PTPRO: variants seen among roughly 807,000 people sequenced by gnomAD.
PTPRO encodes the protein protein tyrosine phosphatase receptor type O, also known as receptor-type tyrosine-protein phosphatase O.
PTPRO carries 62 observed loss-of-function variants against 145.2 expected under a neutral mutation model. The ratio of observed to expected loss-of-function variants is 0.43; its 90% CI spans 0.35 to 0.53. The LOEUF is 0.53. PTPRO is among the 20% of genes least tolerant of loss of function. The probability of loss-of-function intolerance (pLI) is 0.01; values close to 1 mark genes in which losing one functional copy is unlikely to be tolerated. For missense variants in PTPRO, 1,345 were observed against 1,482.7 expected (o/e 0.91, Z 1.53); for synonymous variants, 565 against 514.7 (o/e 1.10, Z -1.32).
At chr12:15,549,004 T>C (rs1943378868) in intron 13 of PTPRO, 90 bp from the exon 14 acceptor site, 3 of 1,381,004 alleles carry the variant, frequency 2.2e-6, no homozygotes, top group East Asian at 4.7e-5. Context: ...TTTTACTCTG[T>C]CAATCTATTA....
chr12:15,519,331 A>G (rs1942664976), intron 9 of PTPRO, among the ~76,000 whole-genome samples: 1 of 152,190 alleles, frequency 6.6e-6, no homozygotes, highest in Non-Finnish European at 1.5e-5. Flanking sequence ...GGAATTCAAG[A>G]TGAGATTTGG....
chr12:15,545,772 A>T (rs1261710390), intron 12 of PTPRO, among the ~76,000 whole-genome samples: 1 of 152,114 alleles, frequency 6.6e-6, no homozygotes, highest in Non-Finnish European at 1.5e-5. Context: ...GGTGGCTCAC[A>T]CCTGTAATCC....
At chr12:15,521,868 A>G (rs1415823017) in intron 10 of PTPRO, among the ~76,000 whole-genome samples, 9 of 152,224 alleles carry the variant, frequency 5.9e-5, no homozygotes, top group Non-Finnish European at 1.2e-4. Context: ...AGGATTGGGC[A>G]TAGTTTATAA....
intron 23 of PTPRO, among the ~76,000 whole-genome samples, chr12:15,582,168 G>A (rs750629916): frequency 1.3e-5 from 2 of 152,262 alleles, no homozygotes; most frequent in Non-Finnish European, 2.9e-5. Context: ...GCCTTAAGCG[G>A]TTTTCCGCCC....
intron 9 of PTPRO, 127 bp downstream of exon 9, chr12:15,517,083 CA>C: frequency 2.2e-6 from 2 of 896,654 alleles, no homozygotes; most frequent in East Asian, 5.1e-5. Context: ...TGTGTTAGTT[CA>C]TTTTCACACT....
chr12:15,477,662 G>A (rs1316670811), intron 1 of PTPRO, among the ~76,000 whole-genome samples: 1 of 152,104 alleles, frequency 6.6e-6, no homozygotes, highest in East Asian at 1.9e-4. Flanking sequence ...TTCAGAGCGT[G>A]AGTCGGGACA....
chr12:15,572,201 G>A (rs956801789), intron 19 of PTPRO, among the ~76,000 whole-genome samples: 1 of 152,130 alleles, frequency 6.6e-6, no homozygotes, highest in Non-Finnish European at 1.5e-5. Context: ...TAGTGAACAT[G>A]CTCATGTATA....
intron 1 of PTPRO, among the ~76,000 whole-genome samples, chr12:15,332,092 A>G (rs561890970): frequency 1.5e-4 from 23 of 151,304 alleles, no homozygotes; most frequent in Non-Finnish European, 2.9e-4. Flanking sequence ...CAGCCTCCCA[A>G]GTGGCTGCGA....
chr12:15,398,983 C>A (rs954263766), intron 1 of PTPRO, among the ~76,000 whole-genome samples: 1 of 152,242 alleles, frequency 6.6e-6, no homozygotes, highest in East Asian at 1.9e-4. Context: ...CACATTTCTG[C>A]ACATATTAAC....
chr12:15,371,616 G>T (rs1938533519), intron 1 of PTPRO, among the ~76,000 whole-genome samples: 2 of 152,142 alleles, frequency 1.3e-5, no homozygotes, highest in African/African-American at 2.4e-5. Context: ...TATTGTATGT[G>T]TGTGTGTGTT....
In PTPRO at chr12:15,594,984, G is replaced by C. The variant is rs1944629063; in HGVS notation, c.3594G>C (p.Lys1198Asn). ...AGTGTGTGCAACTGATGTGGATGAA[G>C]AAGAAGCAGCAGTTCTGCATCAGTG... is the stretch of plus-strand genomic sequence containing the variant. ...IHQCVQLMWM[K>N]KKQQFCISDV... The change falls in exon 26 of 27, where the codon AAG becomes AAC. Residue 1198 changes from lysine to asparagine, a missense_variant. Transcript: ENST00000281171. 1.2e-6 allele frequency: 2 copies of C among 1,613,832 alleles called. No individual in the cohort carries two copies. Among genetic ancestry groups the C allele is most frequent in the Non-Finnish European group, 1.7e-6 (2 of 1,179,890 alleles).
In PTPRO at chr12:15,505,817, T is replaced by G. The variant is rs189528973; in HGVS notation, c.1267+1748T>G. On this transcript the variant is annotated intron_variant, in intron 6 of 26. Transcript: ENST00000281171. ...TGTTTCACATATTCTGGTGTTGAGC[T>G]GTTACATTACAATTTATTATATGTT... Among the ~76,000 whole-genome samples, 377 of 152,378 alleles carry G rather than the reference T, an allele frequency of 2.5e-3. 1 individual carries two copies. The highest frequency in any genetic ancestry group is 8.8e-3 in the African/African-American group (367 of 41,588).
intron 1 of PTPRO, among the ~76,000 whole-genome samples, chr12:15,454,707 A>G (rs1941130636): frequency 6.6e-6 from 1 of 152,110 alleles, no homozygotes; most frequent in Non-Finnish European, 1.5e-5. Flanking sequence ...GGAGTTTTAC[A>G]ATTTCATGTC....
chr12:15,343,491 A>C (rs1867077489), intron 1 of PTPRO, among the ~76,000 whole-genome samples: 1 of 152,072 alleles, frequency 6.6e-6, no homozygotes, highest in African/African-American at 2.4e-5. Context: ...ATTCCAGAAT[A>C]GTTTGGGCAG....
At chr12:15,352,704 T>C (rs552186746) in intron 1 of PTPRO, among the ~76,000 whole-genome samples, 6 of 148,624 alleles carry the variant, frequency 4.0e-5, no homozygotes, top group African/African-American at 1.5e-4. Flanking sequence ...TCTAGGGAAA[T>C]GGGTCTTCTG....
At chr12:15,479,399 T>C (rs922676411) in intron 1 of PTPRO, among the ~76,000 whole-genome samples, 4 of 152,202 alleles carry the variant, frequency 2.6e-5, no homozygotes, top group Admixed American at 1.3e-4. Context: ...ATCAGCCAGC[T>C]GGACAGACGG....
chr12:15,327,641 A>G (rs1334161537), intron 1 of PTPRO, among the ~76,000 whole-genome samples: 1 of 152,144 alleles, frequency 6.6e-6, no homozygotes, highest in Non-Finnish European at 1.5e-5. Context: ...TACCCATTAT[A>G]TCAGCTCTTT....
At chr12:15,557,618 G>T in intron 16 of PTPRO, 95 bp downstream of exon 16, 1 of 1,136,196 alleles carries the variant, frequency 8.8e-7, no homozygotes, top group East Asian at 2.4e-5. Context: ...AGTTTTGTCT[G>T]ATTATCCTTT....
rs990104929 is a variant in PTPRO, at chr12:15,583,064, C to T, written c.3255+1263C>T. Among the ~76,000 whole-genome samples the T allele has an allele frequency of 9.2e-5, 14 of 152,180 alleles. 1 individual carries two copies. Among genetic ancestry groups the T allele is most frequent in the African/African-American group, 3.1e-4 (13 of 41,444 alleles). On this transcript the variant is annotated intron_variant, in intron 23 of 26. Transcript: ENST00000281171. ...AAAGTTCTCACTGAGATGTTCTTCC[C>T]TGCTTAGAAACAATCCTTTCTAATA...
Sources: allele counts gnomAD v4.1 joint callset (sites outside exome capture counted in the v4.1 genomes callset), GRCh38; gene constraint gnomAD v4.1.1; transcripts MANE v1.5; gene names NCBI Gene and HGNC (gene_info 2026-07-23, HGNC 2026-07-21).